The following VRK1 variants were observed in gnomAD, a reference collection of about 807,000 sequenced individuals.
VRK1 encodes serine/threonine-protein kinase VRK1.
A neutral mutation model predicts 57.1 loss-of-function variants in VRK1; 33 were observed. That is an observed-to-expected ratio of 0.58 (90% confidence interval 0.44 to 0.77). VRK1 has a LOEUF of 0.77. Among genes scored for constraint, VRK1 ranks in the 30% least tolerant of loss-of-function variants. VRK1 has a pLI of 0.00. For missense variants in VRK1, 413 were observed against 477.3 expected, an observed-to-expected ratio of 0.87 and a Z score of 1.25; for synonymous variants, 137 against 147.8, an observed-to-expected ratio of 0.93 and a Z score of 0.53.
At position 96,860,759 on chromosome 14, in the gene VRK1, C is replaced by A. The variant is rs902113323; in HGVS notation, c.1068+24C>A. ...AGGTGAATTTTGTTATTAAATTATT[C>A]TTTGGTCTTCTTGTGTTTATAATTG... On this transcript the variant is annotated intron_variant, in intron 11 of 12. Coordinates refer to ENST00000216639, the MANE Select transcript of VRK1 (RefSeq NM_003384.3). 2.5e-6 allele frequency: 4 copies of A among 1,603,318 alleles called. No individual in the cohort carries two copies. The African/African-American group carries it at 4.1e-5, about 16-fold the overall frequency.
intron 1 of VRK1, among the ~76,000 whole-genome samples, chr14:96,815,691 C>A (rs569580050): frequency 6.6e-6 from 1 of 151,672 alleles, no homozygotes; most frequent in East Asian, 1.9e-4. Context: ...TGAGACCAAC[C>A]TGGGCAACAT....
chr14:96,828,898 G>A (rs147591458), intron 1 of VRK1, among the ~76,000 whole-genome samples: 8 of 152,216 alleles, frequency 5.3e-5, no homozygotes, highest in African/African-American at 1.9e-4. Context: ...GAGATTATAG[G>A]GGCCAGCAAG....
chr14:96,849,761 G>A (rs767794743), intron 5 of VRK1, among the ~76,000 whole-genome samples: 7 of 152,168 alleles, frequency 4.6e-5, no homozygotes, highest in Admixed American at 1.3e-4. Flanking sequence ...GTCAGTGGTG[G>A]TATGTTGCTT....
Position 96,881,415 on chromosome 14 carries a change from G to T in VRK1, c.*207G>T, listed in dbSNP as rs1889254499. ...AATTTATGAAATTTGAAAATCTTCA[G>T]GTTATACTCCTTAAGTTATCCCAAA... On this transcript the variant is annotated 3_prime_UTR_variant, in exon 13 of 13. Transcript: ENST00000216639. The T allele has an allele frequency of 9.4e-6, 5 of 531,606 alleles. No individual in the cohort carries two copies. In the Admixed American group the frequency reaches 1.4e-4, roughly 14 times the overall value. The allele number at this position is 531,606 out of a possible 1,614,324, so 32.9% of individuals were successfully genotyped here. A position where few individuals can be genotyped will look rare whatever the true frequency, so the allele number is the denominator to read the frequency against.
chr14:96,879,816 C>T (rs1403211386), intron 12 of VRK1, among the ~76,000 whole-genome samples: 1 of 151,858 alleles, frequency 6.6e-6, no homozygotes, highest in African/African-American at 2.4e-5. Context: ...GTAATCTCAG[C>T]TACTCTGGAG....
chr14:96,810,203 T>C (rs1886116738), intron 1 of VRK1, among the ~76,000 whole-genome samples: 1 of 152,222 alleles, frequency 6.6e-6, no homozygotes, highest in African/African-American at 2.4e-5. Context: ...ATGTGGAGTT[T>C]ATAAGGTATC....
chr14:96,805,567 T>C (rs1221162738), intron 1 of VRK1, among the ~76,000 whole-genome samples: 2 of 152,208 alleles, frequency 1.3e-5, no homozygotes, highest in Non-Finnish European at 2.9e-5. Flanking sequence ...CTTTCTTTTG[T>C]GCATTTAAAA....
At chr14:96,816,360 C>T (rs1886394192) in intron 1 of VRK1, among the ~76,000 whole-genome samples, 1 of 152,198 alleles carries the variant, frequency 6.6e-6, no homozygotes, top group African/African-American at 2.4e-5. Flanking sequence ...CGCTGCTTTA[C>T]CCATTACAGT....
intron 12 of VRK1, among the ~76,000 whole-genome samples, chr14:96,876,996 C>T (rs900574929): frequency 6.6e-6 from 1 of 151,168 alleles, no homozygotes; most frequent in Non-Finnish European, 1.5e-5. Context: ...TGATGATGTA[C>T]TTGACTCAAT....
intron 11 of VRK1, among the ~76,000 whole-genome samples, chr14:96,868,967 G>C (rs1334338821): frequency 2.6e-5 from 4 of 151,842 alleles, no homozygotes; most frequent in Non-Finnish European, 4.4e-5. Flanking sequence ...GGCTAATTTT[G>C]CATTTTTAGT....
Position 96,862,979 on chromosome 14 carries a change from T to A in VRK1, c.1068+2244T>A, listed in dbSNP as rs140770246. On this transcript the variant is annotated intron_variant, in intron 11 of 12. Coordinates refer to ENST00000216639, the MANE Select transcript of VRK1 (RefSeq NM_003384.3). ...GGTTCCTAAGAAATATTCTTTTTGG[T>A]AAAAACCTACAGGAATTGATGAACA... is the stretch of plus-strand genomic sequence containing the variant. 9.0e-3 allele frequency among the ~76,000 whole-genome samples: 1,367 copies of A among 152,268 alleles called. 27 individuals are homozygous for A. Among genetic ancestry groups the A allele is most frequent in the African/African-American group, 0.031 (1,299 of 41,552 alleles).
chr14:96,828,209 T>C (rs1165755848), intron 1 of VRK1, among the ~76,000 whole-genome samples: 3 of 152,230 alleles, frequency 2.0e-5, no homozygotes, highest in Non-Finnish European at 4.4e-5. Context: ...AAAGCTGTTA[T>C]CATTCTTGTA....
At chr14:96,852,646 T>TG (rs1887995640) in intron 5 of VRK1, among the ~76,000 whole-genome samples, 185 bp from the exon 6 acceptor site, 1 of 152,172 alleles carries the variant, frequency 6.6e-6, no homozygotes, top group Non-Finnish European at 1.5e-5. Flanking sequence ...AAGCAGGACC[T>TG]GAAAGCACTC....
At chr14:96,831,110 A>G (rs1471859233) in intron 1 of VRK1, among the ~76,000 whole-genome samples, 1 of 152,148 alleles carries the variant, frequency 6.6e-6, no homozygotes, top group Non-Finnish European at 1.5e-5. Flanking sequence ...TGCTTCTAAG[A>G]AGTAGCTCCT....
At position 96,837,511 on chromosome 14, in the gene VRK1, A is replaced by G. The variant is rs555145478; in HGVS notation, c.161-251A>G. Among the ~76,000 whole-genome samples, 4 of 152,264 alleles carry G rather than the reference A, an allele frequency of 2.6e-5. No homozygotes were observed. In the South Asian group the frequency reaches 6.2e-4, roughly 24 times the overall value. On this transcript the variant is annotated intron_variant, in intron 2 of 12. Coordinates refer to ENST00000216639, the MANE Select transcript of VRK1 (RefSeq NM_003384.3). ...ATTAAAGAAATCTTTAACTTATTTA[A>G]CTCAGTTTCCCATATGTAATTGATA...
At chr14:96,812,357 T>G (rs1396232582) in intron 1 of VRK1, among the ~76,000 whole-genome samples, 1 of 152,214 alleles carries the variant, frequency 6.6e-6, no homozygotes, top group African/African-American at 2.4e-5. Context: ...TGTATTGTTT[T>G]ATATTCTTAC....
At chr14:96,873,089 G>A (rs572733480) in intron 11 of VRK1, among the ~76,000 whole-genome samples, 1 of 152,264 alleles carries the variant, frequency 6.6e-6, no homozygotes, top group South Asian at 2.1e-4. Context: ...AACACTGCCC[G>A]AGTACGCATC....
chr14:96,850,240 C>T (rs545650029), intron 5 of VRK1, among the ~76,000 whole-genome samples: 98 of 152,304 alleles, frequency 6.4e-4, no homozygotes, highest in African/African-American at 2.3e-3. Context: ...CAGCCCCCTT[C>T]CATGCCAGAC....
At chr14:96,852,476 G>A (rs1011102442) in intron 5 of VRK1, among the ~76,000 whole-genome samples, 2 of 152,108 alleles carry the variant, frequency 1.3e-5, no homozygotes, top group Admixed American at 1.3e-4. Flanking sequence ...CCAGAAACAT[G>A]AATTAATTTT....
Sources: gnomAD v4.1 joint callset for allele counts (sites outside exome capture counted in the v4.1 genomes callset) on GRCh38, gnomAD v4.1.1 for gene constraint, MANE v1.5 for transcripts, NCBI Gene and HGNC (gene_info 2026-07-23, HGNC 2026-07-21) for gene names.